CFAP47: variants seen among roughly 807,000 people sequenced by gnomAD.
CFAP47 encodes cilia and flagella associated protein 47, also known as cilia- and flagella-associated protein 47.
In CFAP47, 29 loss-of-function variants were observed where a neutral mutation model predicts 148.1. That is an observed-to-expected ratio of 0.20 (90% CI 0.15 to 0.27). The LOEUF (loss-of-function observed/expected upper bound fraction) is 0.27. CFAP47 is among the 10% of genes least tolerant of loss of function. CFAP47 has a pLI of 1.00. For synonymous variants in CFAP47, 664 were observed against 577.3 expected, an observed-to-expected ratio of 1.15 and a Z score of -2.15; for missense variants, 1,872 against 1,697.5, an observed-to-expected ratio of 1.10 and a Z score of -1.81.
chrX:36,251,684 A>T (rs1434513659), intron 49 of CFAP47, among the ~76,000 whole-genome samples: 3 of 111,518 alleles, frequency 2.7e-5, no homozygotes, highest in African/African-American at 9.7e-5. Context: ...ACAAATTTCT[A>T]TAAATGAAAA....
At chrX:35,974,529 G>A (rs1936540227) in intron 13 of CFAP47, among the ~76,000 whole-genome samples, 1 of 111,073 alleles carries the variant, frequency 9.0e-6, no homozygotes, top group Non-Finnish European at 1.9e-5. Context: ...GAGAAGGAAT[G>A]TAAAGGGGCA....
chrX:36,333,479 G>A (rs1303032650), intron 57 of CFAP47, among the ~76,000 whole-genome samples: 5 of 110,495 alleles, frequency 4.5e-5, no homozygotes, highest in East Asian at 2.8e-4. Flanking sequence ...CTTCTTCTAC[G>A]TTTCTGCTTC....
chrX:36,020,578 A>T (rs1937146122), intron 22 of CFAP47, among the ~76,000 whole-genome samples: 1 of 111,810 alleles, frequency 8.9e-6, no homozygotes, highest in Admixed American at 9.5e-5. Context: ...CTCCTTTATC[A>T]TTATATAGTG....
rs1045060465 is a variant in CFAP47 at position 35,924,413 on chromosome X, G to GTA, written c.250-1600_250-1599dup. On this transcript the variant is annotated intron_variant, in intron 1 of 63. Coordinates refer to ENST00000378653, the MANE Select transcript of CFAP47 (RefSeq NM_001304548.2). ...TGTGTATATATGCACACACATATGT[G>GTA]TATATGCACACATATGTGTATATAT... 4.0e-5 allele frequency among the ~76,000 whole-genome samples: 4 copies of GTA among 99,968 alleles called. No individual in the cohort carries two copies. In the Admixed American group the frequency reaches 4.0e-4, roughly 10 times the overall value. 86.8% of individuals were successfully genotyped at this position (99,968 alleles called of 115,157 possible).
rs1938396224 is a variant in CFAP47, at chrX:36,102,672, G to A, written c.5128-1827G>A. 4.5e-5 allele frequency among the ~76,000 whole-genome samples: 5 copies of A among 111,535 alleles called. No homozygotes were observed. In the South Asian group the frequency reaches 1.9e-3, roughly 41 times the overall value. On this transcript the variant is annotated intron_variant, in intron 32 of 63. Transcript: ENST00000378653. The stretch of plus-strand genomic sequence containing the variant: ...GTGACAGATGACAGATGAATCCTGA[G>A]CCAGTTCAGGTCATTAGTCCCAAAC...
chrX:36,005,851 G>T (rs1936976237), intron 21 of CFAP47, among the ~76,000 whole-genome samples: 1 of 110,784 alleles, frequency 9.0e-6, no homozygotes, highest in African/African-American at 3.3e-5. Context: ...ATTAAGGTAT[G>T]TCATTCACCT....
chrX:36,086,140 A>T lies in CFAP47; in HGVS notation c.4916+602A>T, dbSNP rs1156542348. 6.2e-5 allele frequency among the ~76,000 whole-genome samples: 7 copies of T among 112,176 alleles called. No individual in the cohort carries two copies. In the Admixed American group the frequency reaches 6.7e-4, roughly 11 times the overall value. ...GAATTTTAAATGGTTGATGCAAAAG[A>T]TAGGAAAAATAATTGTCGTAATATC... is the stretch of plus-strand genomic sequence containing the variant. On this transcript the variant is annotated intron_variant, in intron 30 of 63. Transcript: ENST00000378653.
chrX:36,167,578 G>A (rs181802689), intron 39 of CFAP47, among the ~76,000 whole-genome samples: 56 of 111,274 alleles, frequency 5.0e-4, no homozygotes, highest in African/African-American at 1.6e-3. Flanking sequence ...AGCTTCTCAC[G>A]GTCTCTCAAC....
intron 45 of CFAP47, among the ~76,000 whole-genome samples, chrX:36,226,605 T>C (rs1204643215): frequency 1.8e-5 from 2 of 111,712 alleles, no homozygotes; most frequent in Non-Finnish European, 3.8e-5. Flanking sequence ...CAAATTCCAC[T>C]ATTATAATGA....
chrX:36,028,346 G>A (rs1937244386), intron 22 of CFAP47, among the ~76,000 whole-genome samples: 1 of 110,287 alleles, frequency 9.1e-6, no homozygotes, highest in East Asian at 2.8e-4. Context: ...GAGAGGTATG[G>A]GTCCAGTTTC....
intron 22 of CFAP47, among the ~76,000 whole-genome samples, chrX:36,018,579 T>G (rs1937123331): frequency 8.9e-6 from 1 of 112,282 alleles, no homozygotes; most frequent in Non-Finnish European, 1.9e-5. Flanking sequence ...CAAGTGTTCT[T>G]TCAGCATTAA....
intron 49 of CFAP47, among the ~76,000 whole-genome samples, chrX:36,254,072 T>C (rs1316658380): frequency 8.9e-6 from 1 of 111,996 alleles, no homozygotes; most frequent in African/African-American, 3.2e-5. Flanking sequence ...TGGAAACAGG[T>C]ATCCATAAAT....
At chrX:36,202,538 A>G (rs1245191712) in intron 44 of CFAP47, among the ~76,000 whole-genome samples, 1 of 110,748 alleles carries the variant, frequency 9.0e-6, no homozygotes, top group African/African-American at 3.3e-5. Flanking sequence ...ACTTTTCCCT[A>G]CACATTAGTG....
At chrX:36,149,694 T>C (rs1251809493) in intron 37 of CFAP47, among the ~76,000 whole-genome samples, 1 of 108,634 alleles carries the variant, frequency 9.2e-6, no homozygotes, top group Admixed American at 1.0e-4. Context: ...CTGCAACCTC[T>C]GCCTCCTGGG....
intron 33 of CFAP47, among the ~76,000 whole-genome samples, chrX:36,130,518 G>T (rs1276573062): frequency 1.8e-5 from 2 of 111,060 alleles, no homozygotes; most frequent in South Asian, 3.7e-4. Context: ...CAGTTTGGAG[G>T]TTCCTCAAAA....
At chrX:36,138,600 G>T in intron 35 of CFAP47, 136 bp downstream of exon 35, 2 of 671,846 alleles carry the variant, frequency 3.0e-6, no homozygotes, top group South Asian at 1.1e-4. Flanking sequence ...TTGCTAAAAT[G>T]TAGAAATTGA....
intron 57 of CFAP47, among the ~76,000 whole-genome samples, chrX:36,344,247 AAGAG>A (rs1941677937): frequency 2.0e-5 from 2 of 98,959 alleles, no homozygotes; most frequent in South Asian, 4.0e-4. Context: ...AAGAAAAAAA[AAGAG>A]AGAAAGAAAA....
chrX:35,943,524 C>A (rs912599431), intron 3 of CFAP47, among the ~76,000 whole-genome samples: 1 of 111,285 alleles, frequency 9.0e-6, no homozygotes, highest in Non-Finnish European at 1.9e-5. Flanking sequence ...TGTTGAATAA[C>A]TTTTGTTTCC....
Position 35,975,781 on chromosome X carries a change from C to A in CFAP47, c.2581C>A (p.Arg861=). The change falls in exon 15 of 64, where the codon CGA becomes AGA. Residue 861 remains arginine, a synonymous_variant. Transcript: ENST00000378653. ...LSSNELVLRP[R]GFFMKTCFRG... is the part of the protein sequence containing the mutation. ...TTCTAATGAGCTAGTATTGAGACCA[C>A]GAGGCTTCTTCATGAAAACATGTTT... 1 of 1,210,327 alleles carries A rather than the reference C, an allele frequency of 8.3e-7. No homozygotes were observed. Among genetic ancestry groups the A allele is most frequent in the Non-Finnish European group, 1.1e-6 (1 of 894,609 alleles).
Sources: allele counts gnomAD v4.1 joint callset (sites outside exome capture counted in the v4.1 genomes callset), GRCh38; gene constraint gnomAD v4.1.1; transcripts MANE v1.5; gene names NCBI Gene and HGNC (gene_info 2026-07-23, HGNC 2026-07-21).